NWD2: variants seen among roughly 807,000 people sequenced by gnomAD.
NWD2 encodes the protein NACHT and WD repeat domain-containing protein 2.
Under a neutral mutation model 132.7 loss-of-function variants are expected in NWD2, and 37 were observed. That is an observed-to-expected ratio of 0.28 (90% confidence interval 0.21 to 0.37). The LOEUF is 0.37. NWD2 is among the 10% of genes least tolerant of loss of function. The pLI is 1.00. For synonymous variants in NWD2, 705 were observed against 803.0 expected (o/e 0.88, Z 2.06); for missense variants, 1,592 against 2,122.4 (o/e 0.75, Z 4.91).
chr4:37,447,216 G>T lies in NWD2; in HGVS notation c.5228G>T (p.Ter1743LeuextTer11), dbSNP rs1441921329. 47 of 1,539,882 alleles carry T rather than the reference G, an allele frequency of 3.1e-5. No homozygotes were observed. The highest frequency in any genetic ancestry group is 4.1e-5 in the Non-Finnish European group (47 of 1,139,974). Residue 1743 changes from the stop codon to leucine, a stop_lost, in exon 7 of 7, where the codon TGA (stop) becomes TTA (leucine). Coordinates refer to ENST00000309447, the MANE Select transcript of NWD2 (RefSeq NM_001144990.2). ...GGCCACAGCTATGCCCCTGATAACT[G>T]ACAAAATGTTTTCCAGCTAAGCAGA... ...ARGHSYAPDN* is the reference protein window; with the variant it reads ...ARGHSYAPDNL
chr4:37,409,705 C>A (rs192499448), intron 3 of NWD2, among the ~76,000 whole-genome samples: 24,284 of 152,030 alleles, frequency 0.16, 2,603 homozygotes, highest in Non-Finnish European at 0.23. Flanking sequence ...ACATAATCAT[C>A]AGATTCACCA....
At chr4:37,436,445 G>C (rs1449864146) in intron 5 of NWD2, among the ~76,000 whole-genome samples, 1 of 152,074 alleles carries the variant, frequency 6.6e-6, no homozygotes, top group African/African-American at 2.4e-5. Flanking sequence ...CAGGCATTCT[G>C]TGTACAGCAT....
At chr4:37,339,784 A>C (rs1055556603) in intron 2 of NWD2, among the ~76,000 whole-genome samples, 1 of 152,144 alleles carries the variant, frequency 6.6e-6, no homozygotes, top group Admixed American at 6.5e-5. Context: ...CAAATAGTAT[A>C]TATTGTACCC....
At chr4:37,414,214 T>G (rs1037616861) in intron 3 of NWD2, among the ~76,000 whole-genome samples, 1 of 152,196 alleles carries the variant, frequency 6.6e-6, no homozygotes. Flanking sequence ...AAATTCATGA[T>G]GAAGGAATTT....
intron 1 of NWD2, among the ~76,000 whole-genome samples, chr4:37,272,065 T>C (rs768441119): frequency 6.6e-6 from 1 of 151,728 alleles, no homozygotes; most frequent in Non-Finnish European, 1.5e-5. Flanking sequence ...TGATTATATG[T>C]TTTTTATTCC....
rs1720747283 is a variant in NWD2 at position 37,394,799 on chromosome 4, G to GTTTTTTTTTGTTTTGTTTTGTTTTT, written c.358-35764_358-35763insGTTTTGTTTTGTTTTTTTTTTTTTT. Among the ~76,000 whole-genome samples the GTTTTTTTTTGTTTTGTTTTGTTTTT allele has an allele frequency of 3.8e-5, 2 of 52,596 alleles. 1 individual carries two copies. Among genetic ancestry groups the GTTTTTTTTTGTTTTGTTTTGTTTTT allele is most frequent in the Non-Finnish European group, 6.4e-5 (2 of 31,180 alleles). The allele number at this position is 52,596 out of a possible 152,430, so 34.5% of individuals were successfully genotyped here. The stretch of plus-strand genomic sequence containing the variant: ...TTTTCCTCTATAGTGAACCTTTATG[G>GTTTTTTTTTGTTTTGTTTTGTTTTT]TTTTTTTTTTTTTTTTTTTTTTTTT... On this transcript the variant is annotated intron_variant, in intron 3 of 6. Coordinates refer to ENST00000309447, the MANE Select transcript of NWD2 (RefSeq NM_001144990.2).
chr4:37,433,421 A>T (rs1020859674), intron 4 of NWD2, among the ~76,000 whole-genome samples: 4 of 152,236 alleles, frequency 2.6e-5, no homozygotes, highest in Non-Finnish European at 4.4e-5. Context: ...AAGATTATCA[A>T]GACTATATAA....
At chr4:37,326,263 T>C (rs1719171203) in intron 2 of NWD2, among the ~76,000 whole-genome samples, 1 of 152,220 alleles carries the variant, frequency 6.6e-6, no homozygotes, top group Non-Finnish European at 1.5e-5. Context: ...TCTTTTTCTT[T>C]GAACCATATT....
intron 1 of NWD2, among the ~76,000 whole-genome samples, chr4:37,287,982 A>T (rs1465879020): frequency 6.6e-6 from 1 of 152,254 alleles, no homozygotes; most frequent in African/African-American, 2.4e-5. Flanking sequence ...ACACAGCCAT[A>T]CAAAGGAATG....
chr4:37,302,421 T>G (rs938793999), intron 1 of NWD2, among the ~76,000 whole-genome samples: 7 of 152,140 alleles, frequency 4.6e-5, no homozygotes, highest in African/African-American at 1.7e-4. Context: ...TCAGTGAACA[T>G]GGAAGTGCAG....
intron 1 of NWD2, among the ~76,000 whole-genome samples, chr4:37,254,786 C>G (rs999573831): frequency 2.6e-5 from 4 of 152,174 alleles, no homozygotes; most frequent in Non-Finnish European, 5.9e-5. Context: ...TAATACCCCC[C>G]TTCTAATGAA....
chr4:37,397,028 T>C (rs6856286), intron 3 of NWD2, among the ~76,000 whole-genome samples: 65,269 of 126,694 alleles, frequency 0.52, 14,477 homozygotes, highest in Non-Finnish European at 0.56. Context: ...AGTGAAACTC[T>C]GTTGCAAAAA....
At chr4:37,390,230 A>G (rs1419318735) in intron 3 of NWD2, among the ~76,000 whole-genome samples, 1 of 141,308 alleles carries the variant, frequency 7.1e-6, no homozygotes, top group African/African-American at 2.6e-5. Context: ...GTATATGTAC[A>G]TATACTTTAA....
chr4:37,399,387 T>C (rs1720861310), intron 3 of NWD2, among the ~76,000 whole-genome samples: 1 of 152,210 alleles, frequency 6.6e-6, no homozygotes, highest in Admixed American at 6.5e-5. Flanking sequence ...TCCAGACACC[T>C]TGGTTAAGAT....
intron 1 of NWD2, among the ~76,000 whole-genome samples, chr4:37,281,406 G>C (rs915988603): frequency 6.6e-6 from 1 of 152,002 alleles, no homozygotes; most frequent in South Asian, 2.1e-4. Context: ...TAATATAAAG[G>C]TAAGATAAAG....
chr4:37,373,880 GA>G (rs912118693), intron 3 of NWD2, among the ~76,000 whole-genome samples: 5 of 152,200 alleles, frequency 3.3e-5, no homozygotes, highest in Non-Finnish European at 7.3e-5. Context: ...TAATGTATCT[GA>G]AAATGGTTTG....
chr4:37,269,753 C>T (rs1402064021), intron 1 of NWD2, among the ~76,000 whole-genome samples: 2 of 151,850 alleles, frequency 1.3e-5, no homozygotes, highest in South Asian at 2.1e-4. Context: ...ATTGTTTACA[C>T]GTTATCTTTT....
Position 37,430,614 on chromosome 4 carries a change from G to C in NWD2, c.400G>C (p.Glu134Gln). 6.4e-7 allele frequency: 1 copy of C among 1,551,638 alleles called. No individual in the cohort carries two copies. Among genetic ancestry groups the C allele is most frequent in the Non-Finnish European group, 8.7e-7 (1 of 1,146,912 alleles). Reference protein sequence around the residue: ...EKYGNIRIPGEVEASEFEMIL... With the variant: ...EKYGNIRIPGQVEASEFEMIL... ...ATATGGGAATATCCGAATCCCTGGAGAAGTTGAAGCCTCAGAGTTTGAAAT... is the reference window on the plus strand; with the variant it reads ...ATATGGGAATATCCGAATCCCTGGACAAGTTGAAGCCTCAGAGTTTGAAAT... Residue 134 changes from glutamate (E) to glutamine (Q), a missense_variant, in exon 4 of 7, where the codon GAA (glutamate) becomes CAA (glutamine). Glu to Gln is a conservative substitution (Grantham distance 29, BLOSUM62 2). Coordinates refer to ENST00000309447, the MANE Select transcript of NWD2 (RefSeq NM_001144990.2).
At position 37,444,226 on chromosome 4, in the gene NWD2, G is replaced by T. The variant is rs990393003; in HGVS notation, c.2238G>T (p.Leu746=). ...AGCTCATAGCCCAGAAGCTATATCTGCAGGATGACAATGACCTGCGTGAAA... is the reference window on the plus strand; with the variant it reads ...AGCTCATAGCCCAGAAGCTATATCTTCAGGATGACAATGACCTGCGTGAAA... ...HLQLIAQKLY[L]QDDNDLREMH... is the part of the protein sequence containing the mutation. Residue 746 remains leucine (L), a synonymous_variant, in exon 7 of 7, where the codon CTG becomes CTT. Transcript: ENST00000309447. The surrounding 1 kb of genome is among the most constrained non-coding windows in gnomAD (Gnocchi z 4.8). The T allele has an allele frequency of 3.3e-5, 51 of 1,551,588 alleles. No individual in the cohort carries two copies. Among genetic ancestry groups the T allele is most frequent in the Middle Eastern group, 1.7e-4 (1 of 6,016 alleles).
Sources: allele counts gnomAD v4.1 joint callset (sites outside exome capture counted in the v4.1 genomes callset), GRCh38; gene constraint gnomAD v4.1.1; non-coding constraint Gnocchi (gnomAD v3.1); transcripts MANE v1.5; gene names NCBI Gene and HGNC (gene_info 2026-07-23, HGNC 2026-07-21).